PIP5K1B: variants seen among roughly 807,000 people sequenced by gnomAD.
PIP5K1B encodes the protein phosphatidylinositol 4-phosphate 5-kinase type-1 beta.
In PIP5K1B, 42 loss-of-function variants were observed where a neutral mutation model predicts 67.0. The ratio of observed to expected loss-of-function variants is 0.63; its 90% CI spans 0.49 to 0.81. PIP5K1B has a LOEUF of 0.81. Among genes scored for constraint, PIP5K1B ranks in the 30% least tolerant of loss-of-function variants. PIP5K1B has a pLI of 0.00. For synonymous variants in PIP5K1B, 214 were observed against 231.4 expected, an observed-to-expected ratio of 0.92 and a Z score of 0.68; for missense variants, 459 against 646.3, an observed-to-expected ratio of 0.71 and a Z score of 3.14.
At chr9:68,824,141 T>A (rs762255015) in intron 4 of PIP5K1B, 6 of 518,856 alleles carry the variant, frequency 1.2e-5, no homozygotes, top group African/African-American at 1.9e-5. Context: ...CAAGATTCCG[T>A]GTACATTCAT....
At chr9:68,749,833 T>A (rs1272260740) in intron 2 of PIP5K1B, among the ~76,000 whole-genome samples, 1 of 152,106 alleles carries the variant, frequency 6.6e-6, no homozygotes, top group Non-Finnish European at 1.5e-5. Context: ...CAACCACAAA[T>A]GTCTCCAAAC....
intron 8 of PIP5K1B, among the ~76,000 whole-genome samples, chr9:68,897,332 A>G (rs1215257351): frequency 2.0e-5 from 3 of 152,226 alleles, no homozygotes; most frequent in Non-Finnish European, 2.9e-5. Flanking sequence ...CAAGCACACT[A>G]CATGCCAAGC....
chr9:68,712,788 C>T (rs1415110292), intron 1 of PIP5K1B, among the ~76,000 whole-genome samples: 1 of 152,234 alleles, frequency 6.6e-6, no homozygotes, highest in Non-Finnish European at 1.5e-5. Context: ...AGACTGATTT[C>T]TTCCATTTAC....
intron 2 of PIP5K1B, among the ~76,000 whole-genome samples, chr9:68,817,470 G>C (rs1833503005): frequency 6.6e-6 from 1 of 152,160 alleles, no homozygotes; most frequent in Non-Finnish European, 1.5e-5. Context: ...AGCCAAATTT[G>C]GAAACAGTCT....
At chr9:68,919,125 T>G (rs1263920986) in intron 9 of PIP5K1B, among the ~76,000 whole-genome samples, 2 of 152,206 alleles carry the variant, frequency 1.3e-5, no homozygotes, top group Non-Finnish European at 2.9e-5. Flanking sequence ...AGTATTGCAT[T>G]TTTTAAAAGG....
chr9:68,838,062 T>A (rs542416806), intron 4 of PIP5K1B, among the ~76,000 whole-genome samples: 2 of 152,062 alleles, frequency 1.3e-5, no homozygotes, highest in African/African-American at 4.8e-5. Context: ...TTGTTATTAA[T>A]GTTTTGAGGT....
chr9:68,999,033 G>T (rs945623233), intron 15 of PIP5K1B, among the ~76,000 whole-genome samples: 3 of 152,138 alleles, frequency 2.0e-5, no homozygotes, highest in East Asian at 1.9e-4. Context: ...TCCTCTGAAG[G>T]CTCCAGGGGA....
At chr9:68,853,716 T>G (rs1002842760) in intron 4 of PIP5K1B, among the ~76,000 whole-genome samples, 3 of 152,032 alleles carry the variant, frequency 2.0e-5, no homozygotes, top group Non-Finnish European at 4.4e-5. Flanking sequence ...CCTGTCTATG[T>G]GAAGACCTGG....
chr9:69,007,593 C>G (rs537181463), intron 15 of PIP5K1B, among the ~76,000 whole-genome samples: 1 of 152,166 alleles, frequency 6.6e-6, no homozygotes, highest in Non-Finnish European at 1.5e-5. Flanking sequence ...TGAGGTGGCT[C>G]ACGCCTGTAA....
chr9:68,735,891 G>A lies in PIP5K1B; in HGVS notation c.-242-6610G>A, dbSNP rs118028764. ...AGCCATGCGCATACCACTAGGAAGAGTATTTCAGGCAGAGGGAGCAAACAG... is the reference window on the plus strand; with the variant it reads ...AGCCATGCGCATACCACTAGGAAGAATATTTCAGGCAGAGGGAGCAAACAG... On this transcript the variant is annotated intron_variant, in intron 1 of 15. Coordinates refer to ENST00000265382, the MANE Select transcript of PIP5K1B (RefSeq NM_003558.4). Among the ~76,000 whole-genome samples, 75 of 152,308 alleles carry A rather than the reference G, an allele frequency of 4.9e-4. No individual in the cohort carries two copies. In the East Asian group the frequency reaches 0.014, roughly 27 times the overall value.
At chr9:68,793,270 A>G (rs933183782) in intron 2 of PIP5K1B, among the ~76,000 whole-genome samples, 1 of 152,114 alleles carries the variant, frequency 6.6e-6, no homozygotes, top group African/African-American at 2.4e-5. Flanking sequence ...TGGCTTTATG[A>G]GTGAGATGAG....
chr9:68,917,398 G>A, intron 8 of PIP5K1B, 150 bp from the exon 9 acceptor site: 1 of 680,308 alleles, frequency 1.5e-6, no homozygotes, highest in East Asian at 2.5e-5. Flanking sequence ...AACCTCAAGT[G>A]TTTTTATTTT....
chr9:68,776,834 A>G (rs1830942414), intron 2 of PIP5K1B, among the ~76,000 whole-genome samples: 1 of 152,172 alleles, frequency 6.6e-6, no homozygotes, highest in East Asian at 1.9e-4. Flanking sequence ...TGCCTCTGGC[A>G]TTATTCATTT....
At chr9:68,876,921 G>T in intron 6 of PIP5K1B, 127 bp downstream of exon 6, 7 of 580,954 alleles carry the variant, frequency 1.2e-5, no homozygotes, top group Admixed American at 3.1e-5. Flanking sequence ...AAAGTTCCAA[G>T]TTTTATAATG....
intron 7 of PIP5K1B, among the ~76,000 whole-genome samples, chr9:68,889,699 C>T (rs889911370): frequency 1.4e-5 from 2 of 144,782 alleles, no homozygotes; most frequent in African/African-American, 5.2e-5. Flanking sequence ...CCCGCCACTG[C>T]ACTCCAGCCT....
intron 4 of PIP5K1B, among the ~76,000 whole-genome samples, chr9:68,849,701 A>G (rs1484648825): frequency 6.6e-6 from 1 of 152,138 alleles, no homozygotes. Context: ...ACAGACATGT[A>G]TTTTTCAGTG....
chr9:68,987,938 T>C (rs927192605), intron 14 of PIP5K1B, among the ~76,000 whole-genome samples: 4 of 152,192 alleles, frequency 2.6e-5, no homozygotes, highest in Admixed American at 2.0e-4. Flanking sequence ...AGATGAGATT[T>C]GGATGGGGGG....
At chr9:68,902,874 A>G (rs1036994810) in intron 8 of PIP5K1B, among the ~76,000 whole-genome samples, 1 of 152,238 alleles carries the variant, frequency 6.6e-6, no homozygotes, top group Non-Finnish European at 1.5e-5. Context: ...AGCTAAAGAT[A>G]AATCTAATAA....
At chr9:68,931,074 T>C (rs1456451317) in intron 12 of PIP5K1B, among the ~76,000 whole-genome samples, 1 of 152,144 alleles carries the variant, frequency 6.6e-6, no homozygotes, top group East Asian at 1.9e-4. Context: ...GTTTCTTTTT[T>C]GAAGTCAGTG....
Sources: gnomAD v4.1 joint callset for allele counts (sites outside exome capture counted in the v4.1 genomes callset) on GRCh38, gnomAD v4.1.1 for gene constraint, MANE v1.5 for transcripts, NCBI Gene and HGNC (gene_info 2026-07-23, HGNC 2026-07-21) for gene names.